The following MAGI1 variants were observed in gnomAD, a reference collection of about 807,000 sequenced individuals.
MAGI1 encodes membrane associated guanylate kinase, WW and PDZ domain containing 1.
Under a neutral mutation model 139.9 loss-of-function variants are expected in MAGI1, and 58 were observed. The ratio of observed to expected loss-of-function variants is 0.41; its 90% CI spans 0.34 to 0.52. MAGI1 has a LOEUF of 0.52. Ranked by LOEUF, MAGI1 falls within the 20% of genes least tolerant of loss-of-function variation. The pLI is 0.12. For missense variants in MAGI1, 1,874 were observed against 1,901.6 expected (o/e 0.99, Z 0.27); for synonymous variants, 812 against 737.9 (o/e 1.10, Z -1.63).
At chr3:65,487,296 G>A (rs1951696001) in intron 3 of MAGI1, among the ~76,000 whole-genome samples, 1 of 152,140 alleles carries the variant, frequency 6.6e-6, no homozygotes, top group African/African-American at 2.4e-5. Flanking sequence ...TAAATAAAGT[G>A]TCTTGTTCAC....
intron 13 of MAGI1, among the ~76,000 whole-genome samples, chr3:65,399,476 T>C (rs1465194982): frequency 2.0e-5 from 3 of 152,210 alleles, no homozygotes; most frequent in Non-Finnish European, 4.4e-5. Context: ...ACTGCCAGTG[T>C]GTGCCAGCAA....
At chr3:65,787,883 G>C (rs1030583219) in intron 1 of MAGI1, among the ~76,000 whole-genome samples, 1 of 152,158 alleles carries the variant, frequency 6.6e-6, no homozygotes, top group Admixed American at 6.5e-5. Context: ...CAAGAAGTAA[G>C]AGAGAGCTCA....
At chr3:66,011,209 C>G (rs2067303330) in intron 1 of MAGI1, among the ~76,000 whole-genome samples, 1 of 152,166 alleles carries the variant, frequency 6.6e-6, no homozygotes, top group Non-Finnish European at 1.5e-5. Context: ...TCAAGGGTGT[C>G]CCCACATGGC....
intron 1 of MAGI1, among the ~76,000 whole-genome samples, chr3:65,866,373 A>G (rs1377557548): frequency 1.3e-5 from 2 of 149,094 alleles, no homozygotes; most frequent in Admixed American, 1.3e-4. Context: ...TTTTAATGCA[A>G]TGTGCATTTA....
At chr3:65,451,864 T>C (rs1949051049) in intron 6 of MAGI1, among the ~76,000 whole-genome samples, 1 of 152,034 alleles carries the variant, frequency 6.6e-6, no homozygotes, top group African/African-American at 2.4e-5. Flanking sequence ...CCCAGGCTGG[T>C]CTTGAACTCC....
intron 3 of MAGI1, among the ~76,000 whole-genome samples, chr3:65,486,070 T>C (rs536098631): frequency 2.2e-4 from 34 of 152,334 alleles, no homozygotes; most frequent in Admixed American, 4.6e-4. Context: ...AACAGGACTC[T>C]AGACAGTCTC....
At chr3:65,869,731 G>A (rs1046086835) in intron 1 of MAGI1, among the ~76,000 whole-genome samples, 4 of 152,060 alleles carry the variant, frequency 2.6e-5, no homozygotes, top group African/African-American at 9.7e-5. Context: ...TATTCCAAGG[G>A]CCTACAACAG....
At chr3:66,020,985 G>A (rs963775032) in intron 1 of MAGI1, among the ~76,000 whole-genome samples, 1 of 152,130 alleles carries the variant, frequency 6.6e-6, no homozygotes, top group African/African-American at 2.4e-5. Flanking sequence ...ACTAAAACAT[G>A]ATCTACCCCA....
rs369831731 is a variant in MAGI1, at chr3:65,859,178, C to T, written c.313+178818G>A. On this transcript the variant is annotated intron_variant, in intron 1 of 22. Coordinates refer to ENST00000402939, the MANE Select transcript of MAGI1 (RefSeq NM_001033057.2). ...TGAAATCCTGTCTCTACTAAAAATACAAAAACTAGCTGGGCATGGTGGCGC... is the reference window on the plus strand; with the variant it reads ...TGAAATCCTGTCTCTACTAAAAATATAAAAACTAGCTGGGCATGGTGGCGC... Among the ~76,000 whole-genome samples the T allele has an allele frequency of 3.9e-5, 6 of 152,068 alleles. No homozygotes were observed. The East Asian group carries it at 7.7e-4, about 20-fold the overall frequency.
At chr3:65,944,541 ATTTAAATGCTAATAGC>A (rs796534873) in intron 1 of MAGI1, among the ~76,000 whole-genome samples, 14 of 152,250 alleles carry the variant, frequency 9.2e-5, no homozygotes, top group African/African-American at 3.1e-4. Flanking sequence ...ATAAAGTGCT[ATTTAAATGCTAATAGC>A]TTTCCAATGC....
intron 1 of MAGI1, among the ~76,000 whole-genome samples, chr3:66,027,466 C>T (rs909684708): frequency 6.6e-6 from 1 of 152,048 alleles, no homozygotes; most frequent in African/African-American, 2.4e-5. Context: ...AACCACCATG[C>T]CCCTGCTGTC....
chr3:65,579,469 C>T (rs1026112198), intron 2 of MAGI1, among the ~76,000 whole-genome samples: 6 of 152,194 alleles, frequency 3.9e-5, no homozygotes, highest in Non-Finnish European at 4.4e-5. Flanking sequence ...AGCCAGGAGT[C>T]CCCACAGTCA....
At chr3:65,639,976 C>T (rs1159003870) in intron 1 of MAGI1, among the ~76,000 whole-genome samples, 2 of 139,724 alleles carry the variant, frequency 1.4e-5, no homozygotes, top group East Asian at 2.1e-4. Flanking sequence ...GCAACAAGCG[C>T]AAAACTCCGT....
At position 65,890,789 on chromosome 3, in the gene MAGI1, T is replaced by C. The variant is rs568086897; in HGVS notation, c.313+147207A>G. Among the ~76,000 whole-genome samples the C allele has an allele frequency of 8.5e-5, 13 of 152,352 alleles. No homozygotes were observed. In the South Asian group the frequency reaches 2.7e-3, roughly 32 times the overall value. On this transcript the variant is annotated intron_variant, in intron 1 of 22. Coordinates refer to ENST00000402939, the MANE Select transcript of MAGI1 (RefSeq NM_001033057.2). ...GCAACCCAGATTCCAATTTTAGAAC[T>C]ATCCCAATAAGCTACATTGATTGAA...
intron 1 of MAGI1, among the ~76,000 whole-genome samples, chr3:65,769,414 A>T (rs1249733902): frequency 2.0e-5 from 3 of 152,180 alleles, no homozygotes; most frequent in African/African-American, 4.8e-5. Context: ...ATTTGAGACC[A>T]GGAGTTTTAG....
chr3:65,397,179 G>A (rs1944459424), intron 13 of MAGI1, among the ~76,000 whole-genome samples: 1 of 152,176 alleles, frequency 6.6e-6, no homozygotes, highest in South Asian at 2.1e-4. Flanking sequence ...TCACACAAGT[G>A]GCATCAGGGA....
intron 1 of MAGI1, among the ~76,000 whole-genome samples, chr3:65,859,503 TG>T (rs1205306473): frequency 6.6e-6 from 1 of 151,860 alleles, no homozygotes; most frequent in African/African-American, 2.4e-5. Context: ...CTGAGGTGGG[TG>T]GATCACCTGA....
chr3:65,564,308 TTTACAA>T (rs1431900424), intron 2 of MAGI1, among the ~76,000 whole-genome samples: 2 of 152,156 alleles, frequency 1.3e-5, no homozygotes, highest in African/African-American at 2.4e-5. Context: ...TTTCCTTCCT[TTTACAA>T]TTACAATGTG....
At chr3:65,623,390 A>T (rs1460925958) in intron 1 of MAGI1, among the ~76,000 whole-genome samples, 2 of 152,236 alleles carry the variant, frequency 1.3e-5, no homozygotes, top group African/African-American at 4.8e-5. Flanking sequence ...CATAGAAAAG[A>T]GATACATTTG....
Sources: gnomAD v4.1 joint callset for allele counts (sites outside exome capture counted in the v4.1 genomes callset) on GRCh38, gnomAD v4.1.1 for gene constraint, MANE v1.5 for transcripts, NCBI Gene and HGNC (gene_info 2026-07-23, HGNC 2026-07-21) for gene names.